KDM2B: variants seen among roughly 807,000 people sequenced by gnomAD.
The protein encoded by KDM2B is lysine-specific demethylase 2B.
Under a neutral mutation model 150.0 loss-of-function variants are expected in KDM2B, and 26 were observed. The observed-to-expected ratio is 0.17, with a 90% confidence interval of 0.13 to 0.24. KDM2B has a LOEUF of 0.24. KDM2B is among the 10% of genes least tolerant of loss of function. The pLI, the probability that KDM2B is intolerant of heterozygous loss-of-function variation, is 1.00. For missense variants in KDM2B, 1,265 were observed against 1,816.9 expected (o/e 0.70, Z 5.52); for synonymous variants, 734 against 729.5 (o/e 1.01, Z -0.10).
At chr12:121,425,886 C>A (rs918923330), downstream of KDM2B, among the ~76,000 whole-genome samples, 1 of 151,992 alleles carries the variant, frequency 6.6e-6, no homozygotes, top group African/African-American at 2.4e-5. Flanking sequence ...CCTGCCTCAG[C>A]CTCCCAAGTA....
At chr12:121,478,938 A>G (rs1881734727) in intron 12 of KDM2B, among the ~76,000 whole-genome samples, 1 of 147,054 alleles carries the variant, frequency 6.8e-6, no homozygotes, top group Non-Finnish European at 1.5e-5. Context: ...GGCTGTTCTC[A>G]AGCTCCTGGG....
In KDM2B at chr12:121,549,020, A is replaced by C. The variant is rs1594103770; in HGVS notation, c.577-37T>G. 1 of 1,535,484 alleles carries C rather than the reference A, an allele frequency of 6.5e-7. No homozygotes were observed. Among genetic ancestry groups the C allele is most frequent in the Non-Finnish European group, 9.0e-7 (1 of 1,109,158 alleles). On this transcript the variant is annotated intron_variant, in intron 5 of 22. Transcript: ENST00000377071. The surrounding 1 kb of genome is among the most constrained non-coding windows in gnomAD (Gnocchi z 4.4). ...ACCAGTGTGAGCACTGCATTTCTCC[A>C]CTGCCGAGCCAGACACAAATACCCC...
At chr12:121,456,403 CA>C (rs1219827330) in intron 12 of KDM2B, among the ~76,000 whole-genome samples, 2 of 152,178 alleles carry the variant, frequency 1.3e-5, no homozygotes, top group African/African-American at 4.8e-5. Flanking sequence ...TCTACCCCTC[CA>C]AACGACAGGT....
intron 12 of KDM2B, among the ~76,000 whole-genome samples, chr12:121,487,167 A>C (rs1241206430): frequency 6.6e-6 from 1 of 152,110 alleles, no homozygotes; most frequent in Non-Finnish European, 1.5e-5. Context: ...AAAGAAACAA[A>C]AGAAGGAAAG....
chr12:121,505,925 A>G (rs1885029085), intron 11 of KDM2B, among the ~76,000 whole-genome samples: 1 of 152,228 alleles, frequency 6.6e-6, no homozygotes, highest in African/African-American at 2.4e-5. Flanking sequence ...GACAGAGCGT[A>G]CATCTGGGGA....
chr12:121,564,418 A>T (rs1422728474), intron 4 of KDM2B, among the ~76,000 whole-genome samples: 1 of 152,198 alleles, frequency 6.6e-6, no homozygotes, highest in African/African-American at 2.4e-5. Flanking sequence ...AGATGGCGCC[A>T]CTGCACTTCA....
chr12:121,442,015 C>A lies in KDM2B; in HGVS notation c.3284+142G>T. 1 of 693,652 alleles carries A rather than the reference C, an allele frequency of 1.4e-6. No individual in the cohort carries two copies. Among genetic ancestry groups the A allele is most frequent in the African/African-American group, 1.8e-5 (1 of 55,800 alleles). 43.0% of individuals were successfully genotyped at this position (693,652 alleles called of 1,614,324 possible). A position where few individuals can be genotyped will look rare whatever the true frequency, so the allele number is the denominator to read the frequency against. Reference sequence around the variant, plus strand: ...GACAAGACCAGAGGGGCCGCTGTAGCCAGCTGGAACGCTTTGCGGAGCACA... The same window carrying A: ...GACAAGACCAGAGGGGCCGCTGTAGACAGCTGGAACGCTTTGCGGAGCACA... On this transcript the variant is annotated intron_variant, in intron 19 of 22. Transcript: ENST00000377071. The surrounding 1 kb of genome is among the most constrained non-coding windows in gnomAD (Gnocchi z 7.7).
At chr12:121,556,119 G>T (rs1489712262) in intron 4 of KDM2B, among the ~76,000 whole-genome samples, 1 of 151,918 alleles carries the variant, frequency 6.6e-6, no homozygotes, top group Non-Finnish European at 1.5e-5. Context: ...TAGAGATGGG[G>T]TTTCACCATG....
At chr12:121,472,948 A>G (rs1168954654) in intron 12 of KDM2B, among the ~76,000 whole-genome samples, 1 of 152,170 alleles carries the variant, frequency 6.6e-6, no homozygotes, top group Non-Finnish European at 1.5e-5. Flanking sequence ...ATAACAAGAT[A>G]AAATCTCCCT....
rs201906178 is a variant in KDM2B at position 121,444,118 on chromosome 12, G to A, written c.2345C>T (p.Ser782Leu). 62 of 1,613,416 alleles carry A rather than the reference G, an allele frequency of 3.8e-5. No homozygotes were observed. The highest frequency in any genetic ancestry group is 8.0e-5 in the African/African-American group (6 of 75,068). ...AAGGCCGTCCGGCGGCACCTTCTTC[G>A]AGTGCTCATCCGACCTGCGCCGGGG... Reference protein sequence around the residue: ...EAPRRRSDEHSKKVPPDGLLR... With the variant: ...EAPRRRSDEHLKKVPPDGLLR... Residue 782 changes from serine (S) to leucine (L), a missense_variant, in exon 16 of 23, where the codon TCG becomes TTG. This residue lies in a region of KDM2B where 418 missense variants were observed against 402.4 expected (regional missense o/e 1.04). Coordinates refer to ENST00000377071, the MANE Select transcript of KDM2B (RefSeq NM_032590.5).
chr12:121,559,339 A>G (rs1890154817), intron 4 of KDM2B, among the ~76,000 whole-genome samples: 1 of 139,110 alleles, frequency 7.2e-6, no homozygotes, highest in East Asian at 2.5e-4. Context: ...TTCCAGGTCT[A>G]TGGGAGGGGT....
chr12:121,416,405 A>G, the KDM2B span: 1 of 1,410,334 alleles, frequency 7.1e-7, no homozygotes, highest in Non-Finnish European at 1.0e-6. Context: ...TTACATAACA[A>G]CACACATGGG....
chr12:121,564,319 G>A (rs991270349), intron 4 of KDM2B, among the ~76,000 whole-genome samples: 31 of 151,738 alleles, frequency 2.0e-4, no homozygotes, highest in African/African-American at 7.0e-4. Context: ...TTAGCCGGGC[G>A]TGGTGGCGGG....
chr12:121,523,243 C>G (rs782791411), intron 8 of KDM2B, among the ~76,000 whole-genome samples: 18 of 152,146 alleles, frequency 1.2e-4, no homozygotes, highest in African/African-American at 4.3e-4. Context: ...CTGCAAGTCC[C>G]GGGGGAAAGG....
chr12:121,576,975 T>G (rs1891538391), intron 2 of KDM2B, among the ~76,000 whole-genome samples: 1 of 152,090 alleles, frequency 6.6e-6, no homozygotes, highest in South Asian at 2.1e-4. Context: ...GCAGCTCAGA[T>G]CCCCAGGGGC....
At chr12:121,418,013 CAT>C in the KDM2B span, 160 of 1,257,462 alleles carry the variant, frequency 1.3e-4, no homozygotes, top group African/African-American at 2.1e-3. Flanking sequence ...AACTTCAAGT[CAT>C]GTGCTGGAGT....
chr12:121,531,832 T>A, intron 8 of KDM2B, among the ~76,000 whole-genome samples: 1 of 152,138 alleles, frequency 6.6e-6, no homozygotes, highest in East Asian at 1.9e-4. Flanking sequence ...GTGGCTCACA[T>A]GTGTAATCCT....
rs782567314 is a variant in KDM2B at position 121,533,480 on chromosome 12, C to G, written c.778-521G>C. 2.6e-5 allele frequency among the ~76,000 whole-genome samples: 4 copies of G among 152,172 alleles called. No homozygotes were observed. Among genetic ancestry groups the G allele is most frequent in the Non-Finnish European group, 4.4e-5 (3 of 68,044 alleles). Reference sequence around the variant, plus strand: ...CACAGGCTTATTTTCAAGAAGCACCCACCTCCATCAGGGACACCCACATCC... The same window carrying G: ...CACAGGCTTATTTTCAAGAAGCACCGACCTCCATCAGGGACACCCACATCC... On this transcript the variant is annotated intron_variant, in intron 7 of 22. Transcript: ENST00000377071. This position sits in a 1 kb window ranked among gnomAD's most constrained non-coding sequence, Gnocchi z 4.1.
chr12:121,580,250 TGTG>T, intron 1 of KDM2B: 1 of 875,652 alleles, frequency 1.1e-6, no homozygotes, highest in African/African-American at 2.2e-5. Flanking sequence ...TTTCAGCAGT[TGTG>T]GGGGGGGGGA....
Sources: gnomAD v4.1 joint callset for allele counts (sites outside exome capture counted in the v4.1 genomes callset) on GRCh38, gnomAD v4.1.1 for gene constraint, gnomAD v4.1.1 regional missense constraint, Gnocchi (gnomAD v3.1) non-coding constraint, MANE v1.5 for transcripts, NCBI Gene and HGNC (gene_info 2026-07-23, HGNC 2026-07-21) for gene names.